SPATA1: variants seen among roughly 807,000 people sequenced by gnomAD.
SPATA1 encodes the protein spermatogenesis-associated protein 1.
A neutral mutation model predicts 59.6 loss-of-function variants in SPATA1; 57 were observed. That is an observed-to-expected ratio of 0.96 (90% CI 0.77 to 1.19). SPATA1 has a LOEUF of 1.19. Among genes scored for constraint, SPATA1 ranks in the 50% most tolerant of loss-of-function variants. The pLI, the probability that SPATA1 is intolerant of heterozygous loss-of-function variation, is 0.00. For missense variants in SPATA1, 448 were observed against 480.7 expected (o/e 0.93, Z 0.64); for synonymous variants, 147 against 163.9 (o/e 0.90, Z 0.79).
chr1:84,520,480 G>A, intron 2 of SPATA1, 105 bp from the exon 3 acceptor site: 1 of 734,476 alleles, frequency 1.4e-6, no homozygotes, highest in Non-Finnish European at 2.1e-6. Context: ...TGTATTCCAT[G>A]TTTTTTTTCT....
chr1:84,516,702 T>G (rs1282028954), intron 2 of SPATA1, among the ~76,000 whole-genome samples: 1 of 152,192 alleles, frequency 6.6e-6, no homozygotes, highest in Admixed American at 6.5e-5. Context: ...TGATCACTCC[T>G]TTGCACATAT....
chr1:84,521,427 C>T (rs1188418843), intron 3 of SPATA1, among the ~76,000 whole-genome samples: 1 of 152,176 alleles, frequency 6.6e-6, no homozygotes, highest in Admixed American at 6.5e-5. Flanking sequence ...TTTCTTCAAC[C>T]ACATCAGCCT....
rs1683773480 is a variant in SPATA1, at chr1:84,538,115, T to C, written c.717+4349T>C. 2.0e-5 allele frequency among the ~76,000 whole-genome samples: 3 copies of C among 152,206 alleles called. No homozygotes were observed. In the South Asian group the frequency reaches 6.2e-4, roughly 32 times the overall value. ...ATGGCAGAAAAGGTTATTCCTGTCA[T>C]AGCCACATTCAACTCACCTAGTTGG... is the stretch of plus-strand genomic sequence containing the variant. On this transcript the variant is annotated intron_variant, in intron 8 of 12. Coordinates refer to ENST00000490879, the Ensembl canonical transcript of SPATA1.
chr1:84,539,690 AGATAGTCCTTT>A (rs1294293906), intron 8 of SPATA1, among the ~76,000 whole-genome samples: 1 of 152,164 alleles, frequency 6.6e-6, no homozygotes, highest in Non-Finnish European at 1.5e-5. Context: ...ATGCTCTGGA[AGATAGTCCTTT>A]GATGTTTATG....
At chr1:84,560,341 CT>C (rs1303728919) in intron 4 of SPATA1, among the ~76,000 whole-genome samples, 12 of 152,076 alleles carry the variant, frequency 7.9e-5, no homozygotes. Context: ...AGAAGAAATC[CT>C]TCACAGAGAG....
chr1:84,544,777 T>G (rs900875818), intron 9 of SPATA1, among the ~76,000 whole-genome samples: 27 of 151,444 alleles, frequency 1.8e-4, no homozygotes, highest in Admixed American at 1.6e-3. Context: ...GCCAGGGTGG[T>G]CTCAAACTCC....
downstream of SPATA1, among the ~76,000 whole-genome samples, chr1:84,559,491 G>A (rs966003948): frequency 3.3e-5 from 5 of 152,144 alleles, no homozygotes; most frequent in Admixed American, 3.3e-4. Flanking sequence ...GCATGGTAGG[G>A]CATCCCTATA....
At chr1:84,515,078 C>G (rs1044995933) in intron 1 of SPATA1, among the ~76,000 whole-genome samples, 4 of 152,108 alleles carry the variant, frequency 2.6e-5, no homozygotes, top group African/African-American at 9.7e-5. Flanking sequence ...AATGAATGCC[C>G]ATATGCTATA....
At chr1:84,519,721 T>C (rs991279457) in intron 2 of SPATA1, among the ~76,000 whole-genome samples, 3 of 152,132 alleles carry the variant, frequency 2.0e-5, no homozygotes, top group African/African-American at 7.2e-5. Context: ...TCTTGATTTA[T>C]AAAAACAACT....
At chr1:84,525,576 T>G in intron 4 of SPATA1, 120 bp from the exon 5 acceptor site, 1 of 733,804 alleles carries the variant, frequency 1.4e-6, no homozygotes, top group Non-Finnish European at 2.2e-6. Flanking sequence ...TAGCCATAGC[T>G]TTTAAATTTG....
chr1:84,530,914 T>C (rs771786246), intron 6 of SPATA1, among the ~76,000 whole-genome samples: 1 of 152,182 alleles, frequency 6.6e-6, no homozygotes, highest in Non-Finnish European at 1.5e-5. Context: ...TCCTACTCCC[T>C]TATTTGTCAC....
rs1178520577 is a variant in SPATA1 at position 84,525,659 on chromosome 1, C to T, written c.262-37C>T. Reference sequence around the variant, plus strand: ...GTAAAAATAATTGAAAAAAATGTAGCAAAAGCTTTAATTTTTTTCTCACTA... The same window carrying T: ...GTAAAAATAATTGAAAAAAATGTAGTAAAAGCTTTAATTTTTTTCTCACTA... On this transcript the variant is annotated intron_variant, in intron 4 of 12. Coordinates refer to ENST00000490879, the Ensembl canonical transcript of SPATA1. 3 of 1,530,986 alleles carry T rather than the reference C, an allele frequency of 2.0e-6. No homozygotes were observed. The South Asian group carries it at 3.8e-5, about 19-fold the overall frequency. 94.8% of individuals were successfully genotyped at this position (1,530,986 alleles called of 1,614,324 possible).
At chr1:84,525,644 T>C in intron 4 of SPATA1, 52 bp from the exon 5 acceptor site, 3 of 1,499,490 alleles carry the variant, frequency 2.0e-6, no homozygotes, top group Middle Eastern at 2.2e-4. Flanking sequence ...GTAAAAATAA[T>C]TGAAAAAAAT....
intron 1 of SPATA1, among the ~76,000 whole-genome samples, chr1:84,509,087 A>G (rs1682415227): frequency 6.6e-6 from 1 of 152,202 alleles, no homozygotes. Flanking sequence ...ATACAGAACC[A>G]TAAAAGACCC....
intron 4 of SPATA1, chr1:84,563,206 T>TA: frequency 8.1e-7 from 1 of 1,232,572 alleles, no homozygotes. Flanking sequence ...ATTATGAAAA[T>TA]AATTACAAAA....
chr1:84,552,175 T>C (rs1477214055), intron 12 of SPATA1: 1 of 152,140 alleles, frequency 6.6e-6, no homozygotes, highest in Non-Finnish European at 1.5e-5. Flanking sequence ...ACCTATAAGA[T>C]TCAGAACTAA....
intron 4 of SPATA1, chr1:84,563,654 TTATA>T: frequency 1.2e-6 from 1 of 866,584 alleles, no homozygotes; most frequent in African/African-American, 1.8e-5. Flanking sequence ...ATTCTAAAGT[TTATA>T]TATTTCTAAT....
At chr1:84,517,972 A>G (rs750551124) in intron 2 of SPATA1, among the ~76,000 whole-genome samples, 8 of 145,736 alleles carry the variant, frequency 5.5e-5, no homozygotes, top group Non-Finnish European at 1.1e-4. Context: ...ACAGGACACC[A>G]CTTATGAAAT....
downstream of SPATA1, among the ~76,000 whole-genome samples, chr1:84,558,928 T>C (rs191115820): frequency 2.6e-5 from 4 of 152,106 alleles, no homozygotes; most frequent in East Asian, 7.8e-4. Context: ...GTTCCTGCAT[T>C]TTCACATTCA....
Sources: allele counts gnomAD v4.1 joint callset (sites outside exome capture counted in the v4.1 genomes callset), GRCh38; gene constraint gnomAD v4.1.1; transcripts MANE v1.5; gene names NCBI Gene and HGNC (gene_info 2026-07-23, HGNC 2026-07-21).